Variants in CUX1 observed in about 807,000 individuals in gnomAD.
CUX1 encodes protein CASP.
A neutral mutation model predicts 158.8 loss-of-function variants in CUX1; 31 were observed. That is an observed-to-expected ratio of 0.20 (90% CI 0.15 to 0.26). The LOEUF is 0.26. Among genes scored for constraint, CUX1 ranks in the 10% least tolerant of loss-of-function variants. The pLI is 1.00. For synonymous variants in CUX1, 879 were observed against 862.1 expected (o/e 1.02, Z -0.34); for missense variants, 1,589 against 2,014.6 (o/e 0.79, Z 4.04).
exon 23 of CUX1, chr7:102,283,438 T>G (rs1792268115): frequency 3.2e-6 from 1 of 308,850 alleles, no homozygotes; most frequent in Non-Finnish European, 6.3e-6. Context: ...CGATTCCAGC[T>G]GCGGTTAATC....
At chr7:101,955,965 C>T (rs1022433515) in intron 2 of CUX1, among the ~76,000 whole-genome samples, 3 of 151,800 alleles carry the variant, frequency 2.0e-5, no homozygotes, top group East Asian at 1.9e-4. Flanking sequence ...GGGCGGATCA[C>T]GAGGTCAGGG....
In CUX1 at chr7:102,170,478, C is replaced by T; in HGVS notation, c.756C>T (p.Thr252=). The T allele has an allele frequency of 6.3e-7, 1 of 1,592,382 alleles. No individual in the cohort carries two copies. The highest frequency in any genetic ancestry group is 8.6e-7 in the Non-Finnish European group (1 of 1,168,990). ...RAEVAQREAE[T]LREQLSSANH... is the part of the protein sequence containing the mutation. ...AGGTGGCTCAGAGAGAGGCGGAGAC[C>T]TTAAGGGAACAGCTCTCATCGGCCA... is the stretch of plus-strand genomic sequence containing the variant. Residue 252 remains threonine, a synonymous_variant, in exon 10 of 24, where the codon ACC becomes ACT. Transcript: ENST00000292535.
At chr7:102,026,867 T>C (rs1472982185) in intron 2 of CUX1, among the ~76,000 whole-genome samples, 2 of 150,406 alleles carry the variant, frequency 1.3e-5, no homozygotes, top group African/African-American at 4.9e-5. Context: ...GCCTAAACTT[T>C]CAGTAAATAA....
At chr7:102,105,392 G>T (rs1328241744) in intron 6 of CUX1, among the ~76,000 whole-genome samples, 1 of 150,728 alleles carries the variant, frequency 6.6e-6, no homozygotes, top group Non-Finnish European at 1.5e-5. Flanking sequence ...TACCAAAAAC[G>T]TTTCCCACAA....
chr7:102,165,819 A>ACAC (rs1323616110), intron 9 of CUX1, among the ~76,000 whole-genome samples: 10 of 152,054 alleles, frequency 6.6e-5, no homozygotes, highest in Non-Finnish European at 1.2e-4. Flanking sequence ...GAGGAATATG[A>ACAC]CACCAGCCCA....
chr7:102,228,756 C>A (rs943992713), intron 21 of CUX1, among the ~76,000 whole-genome samples: 1 of 152,168 alleles, frequency 6.6e-6, no homozygotes, highest in Admixed American at 6.5e-5. Context: ...TATGACCATG[C>A]CACTGTACTT....
chr7:102,037,613 A>G (rs1227585377), intron 3 of CUX1, among the ~76,000 whole-genome samples: 1 of 151,262 alleles, frequency 6.6e-6, no homozygotes, highest in East Asian at 2.0e-4. Flanking sequence ...CGGCTTCCCA[A>G]AATGCTGGGA....
At position 102,201,212 on chromosome 7, in the gene CUX1, T is replaced by C; in HGVS notation, c.2063-148T>C. The C allele has an allele frequency of 8.1e-7, 1 of 1,227,384 alleles. No individual in the cohort carries two copies. The highest frequency in any genetic ancestry group is 1.1e-6 in the Non-Finnish European group (1 of 883,046). The allele number at this position is 1,227,384 out of a possible 1,614,324, so 76.0% of individuals were successfully genotyped here. A position where few individuals can be genotyped will look rare whatever the true frequency, so the allele number is the denominator to read the frequency against. ...TGGTTGAGACAAGATGCCTGAATGT[T>C]TCACTGACAGGGGCCATGCTGGGGA... On this transcript the variant is annotated intron_variant, in intron 17 of 23. Coordinates refer to ENST00000292535, the MANE Select transcript of CUX1 (RefSeq NM_181552.4). This position sits in a 1 kb window ranked among gnomAD's most constrained non-coding sequence, Gnocchi z 5.0.
chr7:101,926,389 C>T (rs920860501), intron 2 of CUX1, among the ~76,000 whole-genome samples: 1 of 152,036 alleles, frequency 6.6e-6, no homozygotes, highest in African/African-American at 2.4e-5. Flanking sequence ...GAACCTAATT[C>T]GGGCCCCAGT....
At chr7:101,909,420 G>C (rs924085055) in intron 1 of CUX1, among the ~76,000 whole-genome samples, 1 of 5,304 alleles carries the variant, frequency 1.9e-4, no homozygotes, top group Non-Finnish European at 3.1e-4. Context: ...ATGGAAAGAG[G>C]CTGGTGGGTG....
chr7:102,269,858 C>G (rs1554545893), intron 14 of CUX1, among the ~76,000 whole-genome samples: 1 of 152,234 alleles, frequency 6.6e-6, no homozygotes, highest in East Asian at 1.9e-4. Flanking sequence ...CGTTGGGGCC[C>G]TAGATCTCCT....
chr7:101,841,428 C>A (rs914710087), intron 1 of CUX1, among the ~76,000 whole-genome samples: 5 of 151,078 alleles, frequency 3.3e-5, no homozygotes, highest in African/African-American at 7.3e-5. Flanking sequence ...CTTGAAAAAA[C>A]AGCTTTTGGT....
At chr7:101,928,892 G>A (rs901253451) in intron 2 of CUX1, among the ~76,000 whole-genome samples, 28 of 137,838 alleles carry the variant, frequency 2.0e-4, no homozygotes, top group African/African-American at 6.0e-4. Context: ...GGATGGTCTC[G>A]ATCTCCTGAC....
chr7:101,915,388 G>T (rs1270808678), intron 1 of CUX1, among the ~76,000 whole-genome samples: 2 of 152,212 alleles, frequency 1.3e-5, no homozygotes, highest in African/African-American at 4.8e-5. Context: ...CCCTCATGGG[G>T]AACCCACTCC....
At position 101,916,584 on chromosome 7, in the gene CUX1, A is replaced by C. The variant is rs142797283; in HGVS notation, c.141+359A>C. ...AGTTAGCAAGCCACCAAAGTCCATA[A>C]GGGATCCTGTGGGGTGGAAGGTCCG... On this transcript the variant is annotated intron_variant, in intron 2 of 23. Transcript: ENST00000292535. This position sits in a 1 kb window ranked among gnomAD's most constrained non-coding sequence, Gnocchi z 4.4. The C allele has an allele frequency of 1.5e-3, 356 of 243,588 alleles. No individual in the cohort carries two copies. Among genetic ancestry groups the C allele is most frequent in the African/African-American group, 7.4e-3 (335 of 45,322 alleles). The allele number at this position is 243,588 out of a possible 1,614,324, so 15.1% of individuals were successfully genotyped here.
chr7:101,960,676 T>G (rs1432112083), intron 2 of CUX1: 1 of 152,206 alleles, frequency 6.6e-6, no homozygotes, highest in African/African-American at 2.4e-5. Flanking sequence ...TTAATATACC[T>G]TTTTTAATCA....
At chr7:102,178,327 A>AG in intron 10 of CUX1, 142 bp from the exon 11 acceptor site, 1 of 820,684 alleles carries the variant, frequency 1.2e-6, no homozygotes. Flanking sequence ...GGGAAGTGCA[A>AG]GCAAGGGCAA....
chr7:102,110,269 A>G (rs1182223226), intron 6 of CUX1, among the ~76,000 whole-genome samples: 5 of 152,196 alleles, frequency 3.3e-5, no homozygotes, highest in African/African-American at 9.7e-5. Flanking sequence ...TTGCTATACT[A>G]TGTGACATAT....
intron 3 of CUX1, among the ~76,000 whole-genome samples, chr7:102,031,066 T>G (rs1208178111): frequency 6.6e-6 from 1 of 152,042 alleles, no homozygotes; most frequent in Non-Finnish European, 1.5e-5. Flanking sequence ...TCTTTTTATT[T>G]TTATTTTTTC....
Sources: gnomAD v4.1 joint callset for allele counts (sites outside exome capture counted in the v4.1 genomes callset) on GRCh38, gnomAD v4.1.1 for gene constraint, Gnocchi (gnomAD v3.1) non-coding constraint, MANE v1.5 for transcripts, NCBI Gene and HGNC (gene_info 2026-07-23, HGNC 2026-07-21) for gene names.